CADM2: variants seen among roughly 807,000 people sequenced by gnomAD.
CADM2 encodes the protein cell adhesion molecule 2.
CADM2 carries 12 observed loss-of-function variants against 49.8 expected under a neutral mutation model. The observed-to-expected ratio is 0.24, with a 90% CI of 0.15 to 0.39. CADM2 has a LOEUF of 0.39. Among genes scored for constraint, CADM2 ranks in the 10% least tolerant of loss-of-function variants. The pLI, the probability that CADM2 is intolerant of heterozygous loss-of-function variation, is 1.00. For synonymous variants in CADM2, 214 were observed against 175.4 expected, an observed-to-expected ratio of 1.22 and a Z score of -1.74; for missense variants, 378 against 492.3, an observed-to-expected ratio of 0.77 and a Z score of 2.20.
intron 3 of CADM2, among the ~76,000 whole-genome samples, chr3:85,815,023 A>G (rs867181206): frequency 3.9e-5 from 6 of 152,116 alleles, no homozygotes; most frequent in African/African-American, 1.4e-4. Flanking sequence ...CTGGACACAT[A>G]CACCCTCCCA....
intron 1 of CADM2, among the ~76,000 whole-genome samples, chr3:84,987,478 G>C (rs925260581): frequency 6.6e-6 from 1 of 151,928 alleles, no homozygotes; most frequent in African/African-American, 2.4e-5. Flanking sequence ...TTTCTATAGG[G>C]CTCTGAGTAT....
chr3:85,317,753 A>G (rs553246057), intron 1 of CADM2, among the ~76,000 whole-genome samples: 2 of 152,302 alleles, frequency 1.3e-5, no homozygotes, highest in South Asian at 4.1e-4. Flanking sequence ...ACACTATTGC[A>G]TTGAGGATTA....
intron 8 of CADM2, chr3:86,014,565 A>T: frequency 6.3e-7 from 1 of 1,595,690 alleles, no homozygotes; most frequent in South Asian, 1.1e-5. Context: ...CTATAAAGAA[A>T]CACTAAGTGT....
intron 1 of CADM2, among the ~76,000 whole-genome samples, chr3:85,191,288 A>G (rs1410828589): frequency 6.6e-6 from 1 of 152,154 alleles, no homozygotes; most frequent in East Asian, 1.9e-4. Flanking sequence ...CTTATTTTTG[A>G]GTCATCAACA....
At chr3:85,991,633 CT>C (rs1182020629) in intron 8 of CADM2, among the ~76,000 whole-genome samples, 8 of 152,056 alleles carry the variant, frequency 5.3e-5, no homozygotes, top group African/African-American at 1.9e-4. Context: ...TAAGATTTGG[CT>C]TCTCCAACTC....
In CADM2 at chr3:85,320,505, C is replaced by T. The variant is rs142156409; in HGVS notation, c.61+360837C>T. On this transcript the variant is annotated intron_variant, in intron 1 of 9. Transcript: ENST00000383699. ...TTCATAGTCTGATTTCTGTAGCTGC[C>T]GGTGGTTGTCCCCTGACATCAGTTT... Among the ~76,000 whole-genome samples, 37 of 152,130 alleles carry T rather than the reference C, an allele frequency of 2.4e-4. No homozygotes were observed. The East Asian group carries it at 6.0e-3, about 25-fold the overall frequency.
At chr3:85,745,724 G>C (rs1346618679) in intron 2 of CADM2, among the ~76,000 whole-genome samples, 1 of 152,096 alleles carries the variant, frequency 6.6e-6, no homozygotes, top group Non-Finnish European at 1.5e-5. Flanking sequence ...AATTATTCAG[G>C]CATAGTGGTG....
intron 1 of CADM2, among the ~76,000 whole-genome samples, chr3:85,698,313 T>G (rs1347524593): frequency 1.3e-5 from 2 of 152,206 alleles, no homozygotes; most frequent in African/African-American, 2.4e-5. Context: ...GTCAGACTTC[T>G]TATGTGAAGT....
At chr3:85,685,311 C>A (rs146473814) in intron 1 of CADM2, among the ~76,000 whole-genome samples, 121 of 152,274 alleles carry the variant, frequency 7.9e-4, no homozygotes, top group African/African-American at 2.9e-3. Flanking sequence ...CCAGGGCTAT[C>A]ACTAACTTCC....
At chr3:84,967,587 G>A (rs1477373387) in intron 1 of CADM2, among the ~76,000 whole-genome samples, 1 of 152,022 alleles carries the variant, frequency 6.6e-6, no homozygotes, top group Non-Finnish European at 1.5e-5. Flanking sequence ...ATGTGCTGAA[G>A]TCCGAATAGT....
At chr3:85,432,963 CATTTGAGAAAAAAA>C (rs1209437799) in intron 1 of CADM2, among the ~76,000 whole-genome samples, 1 of 151,846 alleles carries the variant, frequency 6.6e-6, no homozygotes, top group Non-Finnish European at 1.5e-5. Context: ...GTTTGATATT[CATTTGAGAAAAAAA>C]ATACAACAAT....
chr3:85,643,619 A>G (rs928343068), intron 1 of CADM2, among the ~76,000 whole-genome samples: 2 of 152,162 alleles, frequency 1.3e-5, no homozygotes, highest in Admixed American at 6.5e-5. Flanking sequence ...AGAATCAACT[A>G]TGCTGAAGCA....
At chr3:85,088,494 C>T (rs1038983245) in intron 1 of CADM2, among the ~76,000 whole-genome samples, 2 of 152,012 alleles carry the variant, frequency 1.3e-5, no homozygotes, top group African/African-American at 4.8e-5. Context: ...TTGTCTGAAA[C>T]CACCTTTTAT....
intron 1 of CADM2, among the ~76,000 whole-genome samples, chr3:85,215,218 G>A (rs189023051): frequency 1.3e-5 from 2 of 151,816 alleles, no homozygotes; most frequent in Admixed American, 6.6e-5. Flanking sequence ...AAGGCAGTGG[G>A]CTCTCTTATG....
chr3:85,643,629 A>G (rs928958629), intron 1 of CADM2, among the ~76,000 whole-genome samples: 3 of 152,172 alleles, frequency 2.0e-5, no homozygotes, highest in Admixed American at 1.3e-4. Flanking sequence ...ATGCTGAAGC[A>G]GGAGGGGAGC....
At chr3:85,221,760 C>T (rs1008715731) in intron 1 of CADM2, among the ~76,000 whole-genome samples, 2 of 152,170 alleles carry the variant, frequency 1.3e-5, no homozygotes, top group African/African-American at 2.4e-5. Context: ...CATCTGTCCT[C>T]AGTCTCAAGT....
At chr3:85,782,749 AG>A (rs2070736481) in intron 2 of CADM2, among the ~76,000 whole-genome samples, 3 of 152,102 alleles carry the variant, frequency 2.0e-5, no homozygotes, top group South Asian at 4.1e-4. Flanking sequence ...TGCTTAGAGG[AG>A]AAAACTTGCT....
chr3:85,723,501 G>T (rs1290706989), intron 1 of CADM2, among the ~76,000 whole-genome samples: 1 of 152,042 alleles, frequency 6.6e-6, no homozygotes, highest in Non-Finnish European at 1.5e-5. Flanking sequence ...TATTGAATAT[G>T]CAGAGAATTA....
chr3:85,912,761 C>T (rs1318143460), intron 6 of CADM2, among the ~76,000 whole-genome samples: 1 of 152,058 alleles, frequency 6.6e-6, no homozygotes, highest in Non-Finnish European at 1.5e-5. Context: ...AGGAGATGTA[C>T]GAGGTTAATA....
Sources: gnomAD v4.1 joint callset for allele counts (sites outside exome capture counted in the v4.1 genomes callset) on GRCh38, gnomAD v4.1.1 for gene constraint, MANE v1.5 for transcripts, NCBI Gene and HGNC (gene_info 2026-07-23, HGNC 2026-07-21) for gene names.